PDK1: variants seen among roughly 807,000 people sequenced by gnomAD.
PDK1 encodes pyruvate dehydrogenase kinase 1, also known as [Pyruvate dehydrogenase (acetyl-transferring)] kinase isozyme 1, mitochondrial.
PDK1 carries 39 observed loss-of-function variants against 54.2 expected under a neutral mutation model. The observed-to-expected ratio is 0.72, with a 90% CI of 0.56 to 0.94. The LOEUF is 0.94. Ranked by LOEUF, PDK1 falls within the 40% of genes least tolerant of loss-of-function variation. PDK1 has a pLI of 0.00. For synonymous variants in PDK1, 221 were observed against 207.1 expected (o/e 1.07, Z -0.58); for missense variants, 552 against 566.0 (o/e 0.98, Z 0.25).
downstream of PDK1, among the ~76,000 whole-genome samples, chr2:172,611,867 C>T (rs1030806595): frequency 3.9e-5 from 6 of 152,254 alleles, no homozygotes; most frequent in Admixed American, 2.0e-4. Flanking sequence ...GTGGTCCCCA[C>T]GTTGGGATCT....
At chr2:172,584,827 A>G (rs573267696) in intron 8 of PDK1, among the ~76,000 whole-genome samples, 1 of 144,636 alleles carries the variant, frequency 6.9e-6, no homozygotes, top group Non-Finnish European at 1.5e-5. Context: ...GGGTAATTTT[A>G]AAGTTTTTTT....
In PDK1 at chr2:172,577,869, A is replaced by C. The variant is rs576128230; in HGVS notation, c.945+7045A>C. 6.6e-5 allele frequency among the ~76,000 whole-genome samples: 10 copies of C among 152,338 alleles called. No homozygotes were observed. The South Asian group carries it at 1.9e-3, about 28-fold the overall frequency. Reference sequence around the variant, plus strand: ...ACAAAAAGAGTTACAAACAAAAAATATACTCATATTTTCCTTTAGATTTAC... The same window carrying C: ...ACAAAAAGAGTTACAAACAAAAAATCTACTCATATTTTCCTTTAGATTTAC... On this transcript the variant is annotated intron_variant, in intron 8 of 10. Coordinates refer to ENST00000282077, the MANE Select transcript of PDK1 (RefSeq NM_002610.5).
the PDK1 span, among the ~76,000 whole-genome samples, chr2:172,652,983 A>G: frequency 6.6e-6 from 1 of 152,192 alleles, no homozygotes; most frequent in African/African-American, 2.4e-5. Context: ...TAAAGTTCAT[A>G]TGGAACCAAA....
the PDK1 span, among the ~76,000 whole-genome samples, chr2:172,704,942 AAAG>A: frequency 2.6e-5 from 4 of 152,364 alleles, no homozygotes; most frequent in African/African-American, 9.6e-5. Context: ...CTACAAGCTC[AAAG>A]AAGAACACAA....
In PDK1 at chr2:172,605,913, C is replaced by T; in HGVS notation, c.*9944C>T. 1 of 152,172 alleles carries T rather than the reference C, an allele frequency of 6.6e-6. No homozygotes were observed. Among genetic ancestry groups the T allele is most frequent in the Non-Finnish European group, 1.5e-5 (1 of 68,078 alleles). The allele number at this position is 152,172 out of a possible 1,614,324, so 9.4% of individuals were successfully genotyped here. On this transcript the variant is annotated 3_prime_UTR_variant, in exon 11 of 11. Transcript: ENST00000282077. The stretch of plus-strand genomic sequence containing the variant: ...CTACTACCCCCACAACTCCCCCTCC[C>T]CCAAACCTGATAGATGCTATAATTT...
chr2:172,645,289 G>C, the PDK1 span, among the ~76,000 whole-genome samples: 1 of 2,318 alleles, frequency 4.3e-4, no homozygotes, highest in South Asian at 0.02. Context: ...TTTTTTTTTT[G>C]AGATAGAGTC....
the PDK1 span, among the ~76,000 whole-genome samples, chr2:172,634,573 G>A: frequency 2.6e-5 from 4 of 151,904 alleles, no homozygotes; most frequent in South Asian, 4.1e-4. Context: ...ATTTCCAGCC[G>A]TAATCTACTT....
the PDK1 span, among the ~76,000 whole-genome samples, chr2:172,629,967 A>G: frequency 6.6e-6 from 1 of 152,212 alleles, no homozygotes. Flanking sequence ...CACCTCCTCA[A>G]CAATCTGTGT....
At chr2:172,690,444 G>T in the PDK1 span, among the ~76,000 whole-genome samples, 1 of 150,342 alleles carries the variant, frequency 6.7e-6, no homozygotes, top group East Asian at 2.1e-4. Flanking sequence ...ACAGTGTGGC[G>T]ATTCCTCAGG....
At chr2:172,669,145 C>T in the PDK1 span, among the ~76,000 whole-genome samples, 1 of 150,124 alleles carries the variant, frequency 6.7e-6, no homozygotes, top group African/African-American at 2.5e-5. Context: ...CTGCAAGCTC[C>T]GCCTCCCGGG....
the PDK1 span, among the ~76,000 whole-genome samples, chr2:172,653,452 T>C: frequency 2.0e-5 from 3 of 152,034 alleles, no homozygotes; most frequent in South Asian, 4.2e-4. Flanking sequence ...AAAATACAAA[T>C]GTCAGCCGGG....
the PDK1 span, among the ~76,000 whole-genome samples, chr2:172,679,485 T>C: frequency 2.0e-5 from 3 of 152,192 alleles, no homozygotes; most frequent in Admixed American, 6.5e-5. Flanking sequence ...ATTTTATTTT[T>C]CATTGTTATT....
the PDK1 span, among the ~76,000 whole-genome samples, chr2:172,694,735 T>G: frequency 4.6e-5 from 7 of 152,246 alleles, no homozygotes; most frequent in African/African-American, 1.7e-4. Flanking sequence ...AATAATTATC[T>G]TACTTGTTTT....
At chr2:172,609,319 A>G (rs1473532233), downstream of PDK1, among the ~76,000 whole-genome samples, 1 of 152,256 alleles carries the variant, frequency 6.6e-6, no homozygotes, top group Non-Finnish European at 1.5e-5. Flanking sequence ...GGTACATTTA[A>G]TTAAGGTAAA....
At chr2:172,627,514 C>CAT in the PDK1 span, among the ~76,000 whole-genome samples, 1 of 152,180 alleles carries the variant, frequency 6.6e-6, no homozygotes, top group African/African-American at 2.4e-5. Context: ...GAAAGCCATA[C>CAT]ATAGTCCTTA....
At chr2:172,570,555 C>T (rs1027519115) in intron 7 of PDK1, 171 bp from the exon 8 acceptor site, 2 of 473,930 alleles carry the variant, frequency 4.2e-6, no homozygotes, top group Non-Finnish European at 7.4e-6. Flanking sequence ...TTCAAATCCC[C>T]CCCAAATTGA....
chr2:172,649,478 G>T, the PDK1 span, among the ~76,000 whole-genome samples: 2 of 152,196 alleles, frequency 1.3e-5, no homozygotes, highest in Admixed American at 1.3e-4. Flanking sequence ...GCTGGGTGGA[G>T]AATGACTTTG....
chr2:172,624,238 C>T, the PDK1 span, among the ~76,000 whole-genome samples: 15 of 152,226 alleles, frequency 9.9e-5, no homozygotes, highest in South Asian at 4.1e-4. Context: ...AGCTTATCTC[C>T]GGAGATGATA....
At chr2:172,558,585 CCATCGTGGTGAT>C in intron 1 of PDK1, 111 bp from the exon 2 acceptor site, 2 of 795,878 alleles carry the variant, frequency 2.5e-6, no homozygotes, top group Non-Finnish European at 3.9e-6. Context: ...ATTCCCTGCC[CCATCGTGGTGAT>C]TCTATCCCTC....
Sources: gnomAD v4.1 joint callset for allele counts (sites outside exome capture counted in the v4.1 genomes callset) on GRCh38, gnomAD v4.1.1 for gene constraint, MANE v1.5 for transcripts, NCBI Gene and HGNC (gene_info 2026-07-23, HGNC 2026-07-21) for gene names.